The following AAGAB variants were observed in gnomAD, a reference collection of about 807,000 sequenced individuals.
AAGAB encodes alpha and gamma adaptin binding protein, also known as alpha- and gamma-adaptin-binding protein p34.
In AAGAB, 38 loss-of-function variants were observed where a neutral mutation model predicts 44.1. That is an observed-to-expected ratio of 0.86 (90% CI 0.67 to 1.13). AAGAB has a LOEUF of 1.13. Among genes scored for constraint, AAGAB ranks in the 50% most tolerant of loss-of-function variants. The pLI is 0.00. For synonymous variants in AAGAB, 131 were observed against 131.8 expected (o/e 0.99, Z 0.04); for missense variants, 450 against 373.8 (o/e 1.20, Z -1.68).
chr15:67,210,388 C>T (rs1046270465), intron 5 of AAGAB, among the ~76,000 whole-genome samples: 6 of 151,918 alleles, frequency 3.9e-5, no homozygotes, highest in Non-Finnish European at 8.8e-5. Flanking sequence ...TGGTGGTGGG[C>T]ACCTGTAATC....
In AAGAB at chr15:67,209,505, C is replaced by T. The variant is rs1963761128; in HGVS notation, c.575G>A (p.Gly192Glu). 6.2e-7 allele frequency: 1 copy of T among 1,614,132 alleles called. No individual in the cohort carries two copies. The highest frequency in any genetic ancestry group is 8.5e-7 in the Non-Finnish European group (1 of 1,180,026). ...TGCTGACCCAATGCTATGGTTTGTTCCAGTCAATGAGTTGAGAAGGCTAAA... is the reference window on the plus strand; with the variant it reads ...TGCTGACCCAATGCTATGGTTTGTTTCAGTCAATGAGTTGAGAAGGCTAAA... Reference protein sequence around the residue: ...QGFSLLNSLTGTNHSIGSADP... With the variant: ...QGFSLLNSLTETNHSIGSADP... The change falls in exon 6 of 10, where the codon GGA becomes GAA. Residue 192 changes from glycine to glutamate, a missense_variant. By Grantham distance (98) the Gly-to-Glu change is moderately conservative. Transcript: ENST00000261880.
chr15:67,223,571 C>A (rs1220037804), intron 5 of AAGAB, among the ~76,000 whole-genome samples: 1 of 152,176 alleles, frequency 6.6e-6, no homozygotes, highest in Non-Finnish European at 1.5e-5. Context: ...CAGCCCCAAT[C>A]TGAGCCATCA....
At chr15:67,220,193 A>G (rs1172990812) in intron 5 of AAGAB, among the ~76,000 whole-genome samples, 1 of 152,236 alleles carries the variant, frequency 6.6e-6, no homozygotes, top group African/African-American at 2.4e-5. Flanking sequence ...TTATTTAAAA[A>G]GATCTATTTA....
upstream of AAGAB, chr15:67,254,920 C>G (rs2140412927): frequency 6.2e-7 from 1 of 1,613,818 alleles, no homozygotes; most frequent in Non-Finnish European, 8.5e-7. Context: ...CTGAAAACCA[C>G]GACCCTGTCG....
chr15:67,210,457 A>T (rs1308805215), intron 5 of AAGAB, among the ~76,000 whole-genome samples: 1 of 151,684 alleles, frequency 6.6e-6, no homozygotes, highest in African/African-American at 2.4e-5. Context: ...CAGAGGTTGC[A>T]GTGATCTGAG....
chr15:67,202,969 A>C lies in AAGAB; in HGVS notation c.871-71T>G, dbSNP rs1007926452. On this transcript the variant is annotated intron_variant, in intron 9 of 9. Coordinates refer to ENST00000261880, the MANE Select transcript of AAGAB (RefSeq NM_024666.5). ...CAGCTTGTTTCATATGTCATACCTT[A>C]AACTGACTGAGACCTAAAATTCTGC... is the stretch of plus-strand genomic sequence containing the variant. 4.2e-6 allele frequency: 6 copies of C among 1,438,356 alleles called. No individual in the cohort carries two copies. In the East Asian group the frequency reaches 1.4e-4, roughly 33 times the overall value. 89.1% of individuals were successfully genotyped at this position (1,438,356 alleles called of 1,614,324 possible). A position where few individuals can be genotyped will look rare whatever the true frequency, so the allele number is the denominator to read the frequency against.
chr15:67,239,737 A>G (rs1268519503), intron 1 of AAGAB, among the ~76,000 whole-genome samples: 1 of 152,250 alleles, frequency 6.6e-6, no homozygotes, highest in Non-Finnish European at 1.5e-5. Flanking sequence ...TACCAATATC[A>G]TAATGTAGAG....
At chr15:67,235,321 G>A (rs936596065) in intron 4 of AAGAB, among the ~76,000 whole-genome samples, 1 of 152,174 alleles carries the variant, frequency 6.6e-6, no homozygotes, top group Non-Finnish European at 1.5e-5. Context: ...TTATCTGTAA[G>A]TTTCATCTCT....
intron 5 of AAGAB, among the ~76,000 whole-genome samples, chr15:67,228,944 T>A (rs2140369376): frequency 6.6e-6 from 1 of 152,064 alleles, no homozygotes; most frequent in South Asian, 2.1e-4. Flanking sequence ...CACATGGAGA[T>A]AAAAAGAGGC....
chr15:67,243,191 A>C (rs781561292), intron 1 of AAGAB, among the ~76,000 whole-genome samples: 26 of 152,088 alleles, frequency 1.7e-4, no homozygotes, highest in Non-Finnish European at 3.7e-4. Context: ...TGCTTTTAGA[A>C]GACCTTACAA....
chr15:67,227,877 T>C (rs1358412007), intron 5 of AAGAB, among the ~76,000 whole-genome samples: 3 of 152,044 alleles, frequency 2.0e-5, no homozygotes, highest in Non-Finnish European at 4.4e-5. Flanking sequence ...CTCTTAAACA[T>C]GAAATTAAGC....
intron 5 of AAGAB, among the ~76,000 whole-genome samples, chr15:67,219,705 G>C (rs1240906380): frequency 1.3e-5 from 2 of 151,932 alleles, no homozygotes; most frequent in Non-Finnish European, 2.9e-5. Flanking sequence ...TGGGGCAATG[G>C]AATAATTAGA....
intron 1 of AAGAB, among the ~76,000 whole-genome samples, chr15:67,241,842 A>G (rs980854526): frequency 8.5e-5 from 13 of 152,162 alleles, no homozygotes; most frequent in African/African-American, 2.7e-4. Flanking sequence ...AGTTAGTAAG[A>G]TACATTACAA....
chr15:67,203,022 C>T, intron 9 of AAGAB, 124 bp from the exon 10 acceptor site: 1 of 790,874 alleles, frequency 1.3e-6, no homozygotes, highest in Non-Finnish European at 2.2e-6. Flanking sequence ...TCTGGCAACA[C>T]ATATCAGAAC....
intron 5 of AAGAB, among the ~76,000 whole-genome samples, chr15:67,230,019 G>C (rs1004815407): frequency 1.3e-5 from 2 of 150,970 alleles, no homozygotes; most frequent in African/African-American, 4.9e-5. Flanking sequence ...GCTAATTTTT[G>C]TATTTTTTTT....
intron 1 of AAGAB, among the ~76,000 whole-genome samples, chr15:67,243,215 A>G (rs1275477443): frequency 1.3e-5 from 2 of 152,118 alleles, no homozygotes; most frequent in Non-Finnish European, 2.9e-5. Context: ...AGTCAGACAC[A>G]CACACAAGAA....
chr15:67,208,905 T>G (rs76259789), intron 6 of AAGAB, among the ~76,000 whole-genome samples: 139 of 152,358 alleles, frequency 9.1e-4, no homozygotes, highest in Admixed American at 2.5e-3. Flanking sequence ...AACATGTTTT[T>G]TGTTTGTCTC....
upstream of AAGAB, chr15:67,255,126 C>G (rs756879988): frequency 7.7e-6 from 5 of 650,194 alleles, no homozygotes; most frequent in Admixed American, 2.5e-5. Context: ...AGCACACTCC[C>G]GGTGACTTAC....
chr15:67,236,633 T>C lies in AAGAB; in HGVS notation c.261A>G (p.Thr87=), dbSNP rs537340808. ...TTCATAGAAAACAAAGTCTTACTTG[T>C]GTGCTGTCAAAGTAAACCACAAATG... ...VQAFVVYFDS[T]QKSGLDSVSS... is the part of the protein sequence containing the mutation. The change falls in exon 2 of 10, where the codon ACA becomes ACG. Residue 87 remains threonine, a synonymous_variant. Coordinates refer to ENST00000261880, the MANE Select transcript of AAGAB (RefSeq NM_024666.5). 5 of 1,612,838 alleles carry C rather than the reference T, an allele frequency of 3.1e-6. No individual in the cohort carries two copies. The highest frequency in any genetic ancestry group is 2.2e-5 in the South Asian group (2 of 90,594).
Sources: allele counts gnomAD v4.1 joint callset (sites outside exome capture counted in the v4.1 genomes callset), GRCh38; gene constraint gnomAD v4.1.1; transcripts MANE v1.5; gene names NCBI Gene and HGNC (gene_info 2026-07-23, HGNC 2026-07-21).